The following SH3D19 variants were observed in gnomAD, a reference collection of about 807,000 sequenced individuals.
SH3D19 encodes SH3 domain-containing protein 19.
SH3D19 carries 58 observed loss-of-function variants against 112.1 expected under a neutral mutation model. The ratio of observed to expected loss-of-function variants is 0.52; its 90% confidence interval spans 0.42 to 0.64. The LOEUF (loss-of-function observed/expected upper bound fraction) is 0.64, where lower values mean the gene tolerates loss of function less well. SH3D19 is among the 30% of genes least tolerant of loss of function. The pLI is 0.00. For synonymous variants in SH3D19, 391 were observed against 448.5 expected (o/e 0.87, Z 1.62); for missense variants, 1,090 against 1,263.4 (o/e 0.86, Z 2.08).
At chr4:151,157,474 C>G (rs1756345803) in intron 9 of SH3D19, among the ~76,000 whole-genome samples, 1 of 151,374 alleles carries the variant, frequency 6.6e-6, no homozygotes, top group Admixed American at 6.6e-5. Context: ...AGGGTGAACT[C>G]TTATACACTG....
At chr4:151,299,093 G>C (rs1286934274) in intron 1 of SH3D19, among the ~76,000 whole-genome samples, 1 of 152,104 alleles carries the variant, frequency 6.6e-6, no homozygotes, top group Non-Finnish European at 1.5e-5. Context: ...AATTAAGCTT[G>C]CTTTTTAAAA....
At chr4:151,324,892 G>C (rs1038040794) in intron 1 of SH3D19, among the ~76,000 whole-genome samples, 2 of 152,042 alleles carry the variant, frequency 1.3e-5, no homozygotes, top group East Asian at 3.9e-4. Flanking sequence ...CCCTCGGAAG[G>C]TGTCGTTGTC....
chr4:151,284,992 C>A (rs960985868), intron 1 of SH3D19, among the ~76,000 whole-genome samples: 4 of 152,148 alleles, frequency 2.6e-5, no homozygotes, highest in Non-Finnish European at 5.9e-5. Context: ...TAAGGTAGCT[C>A]TGAACTCTAT....
Position 151,205,322 on chromosome 4 carries a change from T to A in SH3D19, c.153-17859A>T, listed in dbSNP as rs560295870. On this transcript the variant is annotated intron_variant, in intron 2 of 19. Transcript: ENST00000604030. ...TCTCTGCTTCAATCTTCACATCTTC[T>A]GCTACACTTGAAGATTGTTTGCTGG... 4.6e-5 allele frequency among the ~76,000 whole-genome samples: 7 copies of A among 152,340 alleles called. No individual in the cohort carries two copies. In the South Asian group the frequency reaches 1.2e-3, roughly 27 times the overall value.
Position 151,226,090 on chromosome 4 carries a change from T to C in SH3D19, c.113-4A>G. 8.1e-7 allele frequency: 1 copy of C among 1,231,746 alleles called. No homozygotes were observed. Among genetic ancestry groups the C allele is most frequent in the Non-Finnish European group, 1.0e-6 (1 of 987,664 alleles). The allele number at this position is 1,231,746 out of a possible 1,614,324, so 76.3% of individuals were successfully genotyped here. A position where few individuals can be genotyped will look rare whatever the true frequency, so the allele number is the denominator to read the frequency against. On this transcript the variant is annotated splice_polypyrimidine_tract_variant and splice_region_variant and intron_variant, in intron 1 of 19. Coordinates refer to ENST00000604030, the MANE Select transcript of SH3D19 (RefSeq NM_001378122.1). ...GGTTTATTTCGTTCGTTGCGATCTG[T>C]AGAGAAAGAAGATGGTTACGTGTCA...
chr4:151,302,653 A>C (rs972910871), intron 1 of SH3D19, among the ~76,000 whole-genome samples: 2 of 152,212 alleles, frequency 1.3e-5, no homozygotes, highest in Non-Finnish European at 2.9e-5. Flanking sequence ...TTATTCACAA[A>C]AACAGTCAGT....
intron 1 of SH3D19, chr4:151,283,077 CTAGGT>C: frequency 6.2e-7 from 1 of 1,602,420 alleles, no homozygotes; most frequent in Non-Finnish European, 8.5e-7. Context: ...CTGCACTTTT[CTAGGT>C]TGCTTTAATC....
chr4:151,142,198 A>G (rs1474637074), intron 12 of SH3D19, among the ~76,000 whole-genome samples: 1 of 152,234 alleles, frequency 6.6e-6, no homozygotes, highest in Non-Finnish European at 1.5e-5. Flanking sequence ...AATACCTTAT[A>G]TGCATTAGCT....
chr4:151,240,298 C>T (rs1391555609), intron 1 of SH3D19, among the ~76,000 whole-genome samples: 1 of 149,942 alleles, frequency 6.7e-6, no homozygotes, highest in Non-Finnish European at 1.5e-5. Flanking sequence ...GTAGTCCCAG[C>T]TACTTGGGAG....
At chr4:151,245,808 G>T (rs571633599) in intron 1 of SH3D19, among the ~76,000 whole-genome samples, 1 of 152,162 alleles carries the variant, frequency 6.6e-6, no homozygotes, top group South Asian at 2.1e-4. Context: ...CACCATATTG[G>T]CCAGGCTGTC....
chr4:151,241,659 T>C (rs1770569676), intron 1 of SH3D19, among the ~76,000 whole-genome samples: 1 of 151,744 alleles, frequency 6.6e-6, no homozygotes, highest in African/African-American at 2.4e-5. Context: ...CCTCCCAAAG[T>C]GTTAGGATTA....
chr4:151,201,728 A>G (rs1252645096), intron 2 of SH3D19, among the ~76,000 whole-genome samples: 1 of 152,148 alleles, frequency 6.6e-6, no homozygotes, highest in Non-Finnish European at 1.5e-5. Flanking sequence ...ATAATAAAAT[A>G]GGCCGGGCAC....
At chr4:151,141,728 G>A (rs980081478) in intron 12 of SH3D19, among the ~76,000 whole-genome samples, 3 of 152,158 alleles carry the variant, frequency 2.0e-5, no homozygotes, top group Non-Finnish European at 4.4e-5. Context: ...ATTTACATCT[G>A]TGGAGAAAAA....
rs1336222348 is a variant in SH3D19 at position 151,148,116 on chromosome 4, G to C, written c.1888C>G (p.Pro630Ala). 5 of 1,613,892 alleles carry C rather than the reference G, an allele frequency of 3.1e-6. No homozygotes were observed. Among genetic ancestry groups the C allele is most frequent in the Admixed American group, 1.7e-5 (1 of 59,970 alleles). The change falls in exon 11 of 20, where the codon CCA becomes GCA. Residue 630 changes from proline (P) to alanine (A), a missense_variant. Transcript: ENST00000604030. ...GATCTTCTGGTTGCAGAAAGCTTTG[G>C]GGGAGGTGGTCTCTCAGGGGGCACC... Reference protein sequence around the residue: ...TKVPPERPPPPKLSATRRSNK... With the variant: ...TKVPPERPPPAKLSATRRSNK...
chr4:151,303,609 C>T (rs1342613496), intron 1 of SH3D19, among the ~76,000 whole-genome samples: 1 of 152,170 alleles, frequency 6.6e-6, no homozygotes, highest in East Asian at 1.9e-4. Flanking sequence ...ATTAGCCATA[C>T]ATTATGTTTT....
chr4:151,135,873 A>T (rs1187888462), intron 14 of SH3D19, among the ~76,000 whole-genome samples: 2 of 152,132 alleles, frequency 1.3e-5, no homozygotes, highest in Non-Finnish European at 2.9e-5. Flanking sequence ...CATTTCAATA[A>T]AACTTTGGAT....
intron 2 of SH3D19, among the ~76,000 whole-genome samples, chr4:151,191,450 A>T (rs971675499): frequency 2.6e-5 from 4 of 152,048 alleles, no homozygotes; most frequent in African/African-American, 4.8e-5. Flanking sequence ...CACAATTCTC[A>T]TGTGTCATGG....
At chr4:151,245,595 C>G (rs1371130238) in intron 1 of SH3D19, among the ~76,000 whole-genome samples, 1 of 151,966 alleles carries the variant, frequency 6.6e-6, no homozygotes, top group African/African-American at 2.4e-5. Context: ...CCAGTGTGGT[C>G]TTCTGAGTCT....
intron 1 of SH3D19, among the ~76,000 whole-genome samples, chr4:151,258,711 G>A (rs1772134637): frequency 6.6e-6 from 1 of 152,150 alleles, no homozygotes. Context: ...CTGAAGTCTG[G>A]TCCCTTCAGG....
Sources: allele counts gnomAD v4.1 joint callset (sites outside exome capture counted in the v4.1 genomes callset), GRCh38; gene constraint gnomAD v4.1.1; transcripts MANE v1.5; gene names NCBI Gene and HGNC (gene_info 2026-07-23, HGNC 2026-07-21).